TRPM1: variants seen among roughly 807,000 people sequenced by gnomAD.
The protein encoded by TRPM1 is TRPM1-203 APA Isoform, Intron 10.
TRPM1 carries 113 observed loss-of-function variants against 149.4 expected under a neutral mutation model. The observed-to-expected ratio is 0.76, with a 90% CI of 0.65 to 0.88. The LOEUF is 0.88. Among genes scored for constraint, TRPM1 ranks in the 40% least tolerant of loss-of-function variants. TRPM1 has a pLI of 0.00. For missense variants in TRPM1, 1,976 were observed against 2,038.7 expected (o/e 0.97, Z 0.59); for synonymous variants, 741 against 759.5 (o/e 0.98, Z 0.40).
At position 31,066,327 on chromosome 15, in the gene TRPM1, G is replaced by A. The variant is rs115026378; in HGVS notation, c.619-80C>T. On this transcript the variant is annotated intron_variant, in intron 6 of 27. Transcript: ENST00000256552. Reference sequence around the variant, plus strand: ...CAAGGGAAGCAAGCACAATACATATGTGTGGAGTGACTGCACTAAAACTTA... The same window carrying A: ...CAAGGGAAGCAAGCACAATACATATATGTGGAGTGACTGCACTAAAACTTA... 2,865 of 1,491,836 alleles carry A rather than the reference G, an allele frequency of 1.9e-3. 56 individuals carry two copies. In the African/African-American group the frequency reaches 0.035, roughly 18 times the overall value. The allele number at this position is 1,491,836 out of a possible 1,614,324, so 92.4% of individuals were successfully genotyped here. A position where few individuals can be genotyped will look rare whatever the true frequency, so the allele number is the denominator to read the frequency against.
At chr15:31,047,368 T>G in intron 14 of TRPM1, 117 bp from the exon 15 acceptor site, 1 of 1,106,984 alleles carries the variant, frequency 9.0e-7, no homozygotes, top group Non-Finnish European at 1.4e-6. Flanking sequence ...ATGTAACAGG[T>G]GGGTGGGTGG....
At position 31,111,676 on chromosome 15, in the gene TRPM1, T is replaced by C. The variant is rs145648686; in HGVS notation, c.55-34692A>G. 1.0e-3 allele frequency among the ~76,000 whole-genome samples: 158 copies of C among 152,316 alleles called. 2 individuals are homozygous for C. In the East Asian group the frequency reaches 0.025, roughly 24 times the overall value. ...CCACACGGGAAGACGTCTCAGTGTT[T>C]AGAAGAGCTCAACGCATGGCACCCC... On this transcript the variant is annotated intron_variant, in intron 1 of 26. Coordinates refer to the TRPM1 transcript ENST00000542188.
Position 31,002,830 on chromosome 15 carries a change from A to G in TRPM1, c.3870T>C (p.Asp1290=). Reference sequence around the variant, plus strand: ...AATGATATCGATACAAGCTGTAGCCATCAGCGCTATTGATGCTGCTTTGCC... The same window carrying G: ...AATGATATCGATACAAGCTGTAGCCGTCAGCGCTATTGATGCTGCTTTGCC... ...LLRQSSINSA[D]GYSLYRYHFN... The change falls in exon 28 of 28, where the codon GAT becomes GAC. Residue 1290 remains aspartate (D), a synonymous_variant. Transcript: ENST00000256552. 3 of 1,614,260 alleles carry G rather than the reference A, an allele frequency of 1.9e-6. No homozygotes were observed. The highest frequency in any genetic ancestry group is 2.5e-6 in the Non-Finnish European group (3 of 1,180,048).
chr15:31,033,626 G>T (rs549468328), intron 21 of TRPM1, among the ~76,000 whole-genome samples: 2 of 152,186 alleles, frequency 1.3e-5, no homozygotes, highest in Non-Finnish European at 2.9e-5. Context: ...GAGGTCTTGG[G>T]GATCTCTGTG....
chr15:31,004,395 C>T (rs931083496), intron 27 of TRPM1, among the ~76,000 whole-genome samples: 2 of 152,098 alleles, frequency 1.3e-5, no homozygotes, highest in East Asian at 1.9e-4. Flanking sequence ...ACTCCACCCC[C>T]ACCCTGCTGC....
chr15:31,120,015 T>C (rs1262144405), intron 1 of TRPM1, among the ~76,000 whole-genome samples: 1 of 152,268 alleles, frequency 6.6e-6, no homozygotes, highest in East Asian at 1.9e-4. Context: ...ATAATTACTA[T>C]AAATGTAAAT....
rs150441866 is a variant in TRPM1, at chr15:31,069,884, A to C, written c.279+147T>G. 29 of 1,599,722 alleles carry C rather than the reference A, an allele frequency of 1.8e-5. No homozygotes were observed. In the Middle Eastern group the frequency reaches 5.0e-4, roughly 27 times the overall value. ...TCATGGCTAAAAGCCATGTGCACAG[A>C]TATATCTCTTGGTTTTTCAATGAAA... On this transcript the variant is annotated intron_variant, in intron 4 of 27. Transcript: ENST00000256552.
At chr15:31,149,926 G>C (rs116771095) in intron 1 of TRPM1, among the ~76,000 whole-genome samples, 5 of 152,276 alleles carry the variant, frequency 3.3e-5, no homozygotes, top group Non-Finnish European at 5.9e-5. Context: ...AGTGACTTTG[G>C]GCAGCAAATT....
chr15:31,031,099 A>G lies in TRPM1; in HGVS notation c.3011T>C (p.Val1004Ala). Reference sequence around the variant, plus strand: ...TGGATGCAGAATGGCTTGACGGGCTACTCCGAAACTCATGAGCACGACCAG... The same window carrying G: ...TGGATGCAGAATGGCTTGACGGGCTGCTCCGAAACTCATGAGCACGACCAG... ...IMLVVLMSFG[V>A]ARQAILHPEE... Residue 1004 changes from valine to alanine, a missense_variant, in exon 23 of 28, where the codon GTA (valine) becomes GCA (alanine). Physicochemically the swap from Val to Ala is moderately conservative, Grantham distance 64 (BLOSUM62 0). Coordinates refer to ENST00000256552, the MANE Select transcript of TRPM1 (RefSeq NM_001252024.2). 6.2e-7 allele frequency: 1 copy of G among 1,614,076 alleles called. No individual in the cohort carries two copies. Among genetic ancestry groups the G allele is most frequent in the Non-Finnish European group, 8.5e-7 (1 of 1,179,994 alleles).
At chr15:31,034,685 G>A (rs2033262847) in intron 21 of TRPM1, among the ~76,000 whole-genome samples, 2 of 152,196 alleles carry the variant, frequency 1.3e-5, no homozygotes, top group African/African-American at 4.8e-5. Context: ...AAAAGAGATG[G>A]CATTTTTCCT....
chr15:31,077,810 ATGTG>A lies in TRPM1; in HGVS notation c.4-830_4-827del, dbSNP rs373067641. On this transcript the variant is annotated intron_variant, in intron 2 of 27. Coordinates refer to ENST00000256552, the MANE Select transcript of TRPM1 (RefSeq NM_001252024.2). ...ACGAGTGCAGAGTGTGTCGTGATGC[ATGTG>A]TGTGTGTGTGATGAGTCTGTATGTG... Among the ~76,000 whole-genome samples the A allele has an allele frequency of 6.6e-5, 10 of 151,098 alleles. No homozygotes were observed. The South Asian group carries it at 8.4e-4, about 13-fold the overall frequency.
At chr15:31,081,744 CTAATGACTCAGTGATTTACTCA>C (rs1300065677) in intron 1 of TRPM1, among the ~76,000 whole-genome samples, 2 of 152,176 alleles carry the variant, frequency 1.3e-5, no homozygotes, top group Non-Finnish European at 2.9e-5. Context: ...TCAACATCTC[CTAATGACTCAGTGATTTACTCA>C]ACCTCCCGGT....
chr15:31,147,767 A>G (rs2036240906), intron 1 of TRPM1, among the ~76,000 whole-genome samples: 1 of 152,228 alleles, frequency 6.6e-6, no homozygotes. Context: ...AAGGACACAA[A>G]TAGACTGATG....
chr15:31,108,352 G>T lies in TRPM1; in HGVS notation c.55-31368C>A, dbSNP rs563268221. On this transcript the variant is annotated intron_variant, in intron 1 of 26. Coordinates refer to the TRPM1 transcript ENST00000542188. Reference sequence around the variant, plus strand: ...TGTTGGGTGTAGTATACTCTTAGACGTCTGTTAGGTCAATGTAGTTTTAAT... The same window carrying T: ...TGTTGGGTGTAGTATACTCTTAGACTTCTGTTAGGTCAATGTAGTTTTAAT... Among the ~76,000 whole-genome samples, 46 of 152,254 alleles carry T rather than the reference G, an allele frequency of 3.0e-4. 2 individuals are homozygous for T. The highest frequency in any genetic ancestry group is 2.9e-3 in the South Asian group (14 of 4,826).
intron 1 of TRPM1, among the ~76,000 whole-genome samples, chr15:31,081,907 C>G (rs552445270): frequency 6.6e-6 from 1 of 152,302 alleles, no homozygotes; most frequent in Admixed American, 6.5e-5. Flanking sequence ...AGCTTGGTCT[C>G]CTGAATCTGC....
chr15:31,142,948 T>C lies in TRPM1; in HGVS notation c.54+17958A>G, dbSNP rs114869352. Among the ~76,000 whole-genome samples the C allele has an allele frequency of 3.2e-3, 489 of 152,352 alleles. 3 individuals carry two copies. The highest frequency in any genetic ancestry group is 0.011 in the African/African-American group (462 of 41,582). Reference sequence around the variant, plus strand: ...GTTATCAAGTCATAATGTCAGTTATTATGTTAAAATGTTGTACTTTGCAGA... The same window carrying C: ...GTTATCAAGTCATAATGTCAGTTATCATGTTAAAATGTTGTACTTTGCAGA... On this transcript the variant is annotated intron_variant, in intron 1 of 26. Transcript: ENST00000542188.
At position 31,070,229 on chromosome 15, in the gene TRPM1, G is replaced by C. The variant is rs751427833; in HGVS notation, c.84-3C>G. 4.3e-6 allele frequency: 7 copies of C among 1,612,730 alleles called. No homozygotes were observed. The East Asian group carries it at 1.3e-4, about 31-fold the overall frequency. On this transcript the variant is annotated splice_region_variant and splice_polypyrimidine_tract_variant and intron_variant, in intron 3 of 27. Transcript: ENST00000256552. The stretch of plus-strand genomic sequence containing the variant: ...TGGTGAACTGGCCACAGCAACACCT[G>C]AAAACAAAGGCAAAGCAGGGTCTTT...
chr15:31,077,779 T>C (rs1421838100), intron 2 of TRPM1, among the ~76,000 whole-genome samples: 2 of 151,956 alleles, frequency 1.3e-5, no homozygotes, highest in Non-Finnish European at 2.9e-5. Context: ...GATGGATGTG[T>C]GTTGTACGAG....
chr15:31,156,991 A>G (rs1161571931), intron 1 of TRPM1, among the ~76,000 whole-genome samples: 1 of 151,206 alleles, frequency 6.6e-6, no homozygotes, highest in Non-Finnish European at 1.5e-5. Context: ...AGCTCGCTGC[A>G]TCCTTGACCT....
Sources: gnomAD v4.1 joint callset for allele counts (sites outside exome capture counted in the v4.1 genomes callset) on GRCh38, gnomAD v4.1.1 for gene constraint, MANE v1.5 for transcripts, NCBI Gene and HGNC (gene_info 2026-07-23, HGNC 2026-07-21) for gene names.